The following MSANTD3 variants were observed in gnomAD, a reference collection of about 807,000 sequenced individuals.
MSANTD3 encodes myb/SANT-like DNA-binding domain-containing protein 3.
Under a neutral mutation model 27.7 loss-of-function variants are expected in MSANTD3, and 11 were observed. That is an observed-to-expected ratio of 0.40 (90% CI 0.25 to 0.66). The LOEUF is 0.66. Among genes scored for constraint, MSANTD3 ranks in the 30% least tolerant of loss-of-function variants. The probability of loss-of-function intolerance (pLI) is 0.41; values close to 1 mark genes in which losing one functional copy is unlikely to be tolerated. For missense variants in MSANTD3, 250 were observed against 336.5 expected (o/e 0.74, Z 2.01); for synonymous variants, 131 against 127.2 (o/e 1.03, Z -0.20).
chr9:100,435,576 G>T (rs1036288399), intron 1 of MSANTD3, among the ~76,000 whole-genome samples: 1 of 152,158 alleles, frequency 6.6e-6, no homozygotes, highest in African/African-American at 2.4e-5. Context: ...AGTTCTAGAG[G>T]CTGAGAAGGC....
At chr9:100,443,511 A>G (rs554100520) in intron 2 of MSANTD3, among the ~76,000 whole-genome samples, 1 of 152,218 alleles carries the variant, frequency 6.6e-6, no homozygotes, top group African/African-American at 2.4e-5. Flanking sequence ...TTGCCATTAT[A>G]CTATTGTGAT....
chr9:100,445,039 A>G, intron 2 of MSANTD3: 1 of 622,236 alleles, frequency 1.6e-6, no homozygotes, highest in East Asian at 2.8e-5. Context: ...AGGGTGGTGG[A>G]GAACCTTGGT....
intron 2 of MSANTD3, among the ~76,000 whole-genome samples, chr9:100,445,898 A>C (rs905699095): frequency 6.6e-6 from 1 of 152,218 alleles, no homozygotes; most frequent in African/African-American, 2.4e-5. Context: ...AACACTTAGG[A>C]ATATATTGAT....
intron 1 of MSANTD3, among the ~76,000 whole-genome samples, chr9:100,434,121 T>C (rs1836425619): frequency 6.6e-6 from 1 of 152,248 alleles, no homozygotes; most frequent in South Asian, 2.1e-4. Flanking sequence ...CTCTGATGCC[T>C]GCACAAAGTA....
intron 2 of MSANTD3, chr9:100,448,781 T>TC (rs1412832187): frequency 1.0e-6 from 1 of 985,182 alleles, no homozygotes; most frequent in Non-Finnish European, 1.2e-6. Context: ...GCCAGAGCTG[T>TC]CTCCAGGAAA....
At chr9:100,447,439 A>G (rs1273176913) in intron 2 of MSANTD3, among the ~76,000 whole-genome samples, 4 of 152,076 alleles carry the variant, frequency 2.6e-5, no homozygotes, top group African/African-American at 9.7e-5. Context: ...AAGAAGAGTC[A>G]TTTTTCTGCT....
At chr9:100,448,302 C>G (rs1170116854) in intron 2 of MSANTD3, 1 of 984,628 alleles carries the variant, frequency 1.0e-6, no homozygotes, top group Admixed American at 6.2e-5. Flanking sequence ...CCAGAACTAT[C>G]CCCTGGAATG....
At chr9:100,433,575 C>T (rs2118186276) in intron 1 of MSANTD3, among the ~76,000 whole-genome samples, 1 of 152,246 alleles carries the variant, frequency 6.6e-6, no homozygotes, top group South Asian at 2.1e-4. Flanking sequence ...GGAGTTCTCC[C>T]ATTGTTGCCT....
intron 1 of MSANTD3, among the ~76,000 whole-genome samples, chr9:100,432,970 T>C (rs1174239529): frequency 6.6e-6 from 1 of 152,184 alleles, no homozygotes; most frequent in East Asian, 1.9e-4. Flanking sequence ...GACGAGGAAT[T>C]GACAGCAAGT....
chr9:100,431,651 A>G (rs560075377), intron 1 of MSANTD3, among the ~76,000 whole-genome samples: 8 of 152,124 alleles, frequency 5.3e-5, no homozygotes, highest in African/African-American at 1.4e-4. Context: ...TGAATCTACT[A>G]TGTGCTGAAG....
intron 2 of MSANTD3, among the ~76,000 whole-genome samples, chr9:100,446,034 A>G (rs1317117035): frequency 6.6e-6 from 1 of 152,208 alleles, no homozygotes. Flanking sequence ...GCAACTGTGT[A>G]CAGAACCAAC....
intron 2 of MSANTD3, chr9:100,445,247 C>T: frequency 1.3e-6 from 2 of 1,524,102 alleles, no homozygotes; most frequent in Non-Finnish European, 9.1e-7. Context: ...GGTGGAAAAT[C>T]TGCTATAGAG....
intron 2 of MSANTD3, among the ~76,000 whole-genome samples, chr9:100,449,610 G>A (rs1196789543): frequency 6.6e-6 from 1 of 152,150 alleles, no homozygotes; most frequent in African/African-American, 2.4e-5. Context: ...ATGAAAAAAA[G>A]CATGACCTTA....
intron 1 of MSANTD3, chr9:100,429,441 T>C (rs1437476095): frequency 6.6e-6 from 1 of 152,228 alleles, no homozygotes; most frequent in East Asian, 1.9e-4. Context: ...GCACCAGTCA[T>C]GTGCTGAGTC....
intron 2 of MSANTD3, among the ~76,000 whole-genome samples, chr9:100,442,802 C>A (rs1290317512): frequency 7.3e-6 from 1 of 136,700 alleles, no homozygotes; most frequent in African/African-American, 2.8e-5. Context: ...GAGTGAGACC[C>A]TGTCTCAAAA....
chr9:100,446,512 A>G (rs965465762), intron 2 of MSANTD3, among the ~76,000 whole-genome samples: 1 of 151,656 alleles, frequency 6.6e-6, no homozygotes, highest in African/African-American at 2.4e-5. Flanking sequence ...CTCTTTTTTC[A>G]CTTAGAATAC....
intron 2 of MSANTD3, chr9:100,445,180 G>T: frequency 6.2e-7 from 1 of 1,608,016 alleles, no homozygotes; most frequent in Non-Finnish European, 8.5e-7. Flanking sequence ...TTTCTTTCAA[G>T]AAAGAAAAAG....
intron 1 of MSANTD3, among the ~76,000 whole-genome samples, chr9:100,437,761 G>A (rs1258612124): frequency 1.3e-5 from 2 of 152,118 alleles, no homozygotes; most frequent in Non-Finnish European, 2.9e-5. Context: ...AAGAGCAGTC[G>A]TATAATTTCT....
intron 1 of MSANTD3, among the ~76,000 whole-genome samples, chr9:100,440,931 C>CTTT (rs754540059): frequency 6.3e-4 from 62 of 98,336 alleles, no homozygotes; most frequent in Admixed American, 7.6e-4. Flanking sequence ...GGCTGTACAT[C>CTTT]TTTTTTTTTT....
Sources: gnomAD v4.1 joint callset for allele counts (sites outside exome capture counted in the v4.1 genomes callset) on GRCh38, gnomAD v4.1.1 for gene constraint, MANE v1.5 for transcripts, NCBI Gene and HGNC (gene_info 2026-07-23, HGNC 2026-07-21) for gene names.